PDCL3: variants seen among roughly 807,000 people sequenced by gnomAD.
PDCL3 encodes phosducin like 3.
In PDCL3, 22 loss-of-function variants were observed where a neutral mutation model predicts 26.5. That is an observed-to-expected ratio of 0.83 (90% CI 0.59 to 1.19). The LOEUF is 1.19. PDCL3 is among the 50% of genes most tolerant of loss of function. The pLI is 0.00. For synonymous variants in PDCL3, 81 were observed against 104.9 expected, an observed-to-expected ratio of 0.77 and a Z score of 1.39; for missense variants, 246 against 294.1, an observed-to-expected ratio of 0.84 and a Z score of 1.20.
chr2:100,564,485 A>G (rs1675020670), intron 1 of PDCL3, among the ~76,000 whole-genome samples: 1 of 151,946 alleles, frequency 6.6e-6, no homozygotes, highest in Non-Finnish European at 1.5e-5. Flanking sequence ...TTTAGTAGAG[A>G]CAAGGTTTCA....
At chr2:100,575,036 C>T (rs1259598366) in intron 5 of PDCL3, among the ~76,000 whole-genome samples, 4 of 152,170 alleles carry the variant, frequency 2.6e-5, no homozygotes, top group African/African-American at 9.7e-5. Context: ...TTCAAGGTTA[C>T]AGTGAGCTAT....
chr2:100,572,629 T>G lies in PDCL3; in HGVS notation c.577+831T>G, dbSNP rs1451883479. 3.9e-5 allele frequency among the ~76,000 whole-genome samples: 6 copies of G among 152,120 alleles called. No homozygotes were observed. In the South Asian group the frequency reaches 1.0e-3, roughly 26 times the overall value. ...GCCCCCCAGGTTCAAGTGATTCTCC[T>G]GCCTCAGCCTCCCTAGTAGCTGGGA... is the stretch of plus-strand genomic sequence containing the variant. On this transcript the variant is annotated intron_variant, in intron 5 of 5. Transcript: ENST00000264254.
intron 3 of PDCL3, 44 bp downstream of exon 3, chr2:100,569,065 T>G (rs1213657327): frequency 1.9e-6 from 3 of 1,559,312 alleles, no homozygotes; most frequent in Non-Finnish European, 2.6e-6. Flanking sequence ...TGTTGTTGTT[T>G]GTTTTGTTTT....
rs765647589 is a variant in PDCL3 at position 100,568,949 on chromosome 2, T to A, written c.152T>A (p.Met51Lys). The change falls in exon 3 of 6, where the codon ATG becomes AAG. Residue 51 changes from methionine to lysine, a missense_variant. Met to Lys is a moderately conservative substitution (Grantham distance 95). Coordinates refer to ENST00000264254, the MANE Select transcript of PDCL3 (RefSeq NM_024065.5). ...AATTCAGTGAAAACATATGAAGATA[T>A]GACTTTGGAAGAGCTGGAGGATCAT... The part of the protein sequence containing the change: ...QQSVVKTYED[M>K]TLEELEDHED... 2 of 1,605,822 alleles carry A rather than the reference T, an allele frequency of 1.2e-6. No individual in the cohort carries two copies. Among genetic ancestry groups the A allele is most frequent in the African/African-American group, 1.3e-5 (1 of 74,890 alleles).
intron 2 of PDCL3, 120 bp from the exon 3 acceptor site, chr2:100,568,811 G>T: frequency 1.3e-6 from 1 of 755,062 alleles, no homozygotes; most frequent in Non-Finnish European, 2.2e-6. Flanking sequence ...TTTTGTTTAG[G>T]TAGGCTAAGG....
chr2:100,569,840 C>G, intron 4 of PDCL3, 119 bp downstream of exon 4: 1 of 1,119,248 alleles, frequency 8.9e-7, no homozygotes, highest in South Asian at 1.7e-5. Context: ...GGCGCAGTAG[C>G]TCACACCTGT....
intron 1 of PDCL3, among the ~76,000 whole-genome samples, chr2:100,564,274 G>T (rs965090511): frequency 6.7e-6 from 1 of 148,436 alleles, no homozygotes; most frequent in Non-Finnish European, 1.5e-5. Flanking sequence ...CTGTAGAAAG[G>T]ATTCTGCTCT....
At chr2:100,570,610 TG>T (rs1675149288) in intron 4 of PDCL3, among the ~76,000 whole-genome samples, 1 of 151,834 alleles carries the variant, frequency 6.6e-6, no homozygotes, top group Non-Finnish European at 1.5e-5. Context: ...CCTGAGTAGC[TG>T]GGATTACAGG....
At chr2:100,576,277 C>T in intron 5 of PDCL3, 77 bp from the exon 6 acceptor site, 1 of 1,495,652 alleles carries the variant, frequency 6.7e-7, no homozygotes, top group Non-Finnish European at 9.0e-7. Context: ...TTAGAAAAAA[C>T]TAGGTTGATG....
rs2104391623 is a variant in PDCL3, at chr2:100,566,558, C to A, written c.62C>A (p.Pro21His). Residue 21 changes from proline (P) to histidine (H), a missense_variant, in exon 2 of 6, where the codon CCC becomes CAC. Transcript: ENST00000264254. ...ATCTTACGCAAAAAGGGTATCTTAC[C>A]CCCCAAGGAAAGTCTGAAAGAATTG... is the stretch of plus-strand genomic sequence containing the variant. Reference protein sequence around the residue: ...NDILRKKGILPPKESLKELEE... With the variant: ...NDILRKKGILHPKESLKELEE... 1.2e-6 allele frequency: 2 copies of A among 1,613,810 alleles called. No homozygotes were observed. Among genetic ancestry groups the A allele is most frequent in the African/African-American group, 1.3e-5 (1 of 75,026 alleles).
intron 2 of PDCL3, 69 bp downstream of exon 2, chr2:100,566,698 T>C: frequency 6.3e-7 from 1 of 1,587,474 alleles, no homozygotes; most frequent in Non-Finnish European, 8.6e-7. Flanking sequence ...CTGACTGCCC[T>C]GCCAGGAGAC....
intron 1 of PDCL3, among the ~76,000 whole-genome samples, chr2:100,563,896 C>T (rs1255947537): frequency 6.8e-6 from 1 of 148,072 alleles, no homozygotes; most frequent in Non-Finnish European, 1.5e-5. Context: ...GAGGGCGTGT[C>T]TGCCAGGAGC....
chr2:100,570,278 G>C (rs548213893), intron 4 of PDCL3, among the ~76,000 whole-genome samples: 7 of 152,000 alleles, frequency 4.6e-5, no homozygotes, highest in African/African-American at 1.7e-4. Context: ...TTTTTGAAAA[G>C]GAATTCCTAA....
chr2:100,566,075 T>C (rs1248930415), intron 1 of PDCL3, among the ~76,000 whole-genome samples: 1 of 152,100 alleles, frequency 6.6e-6, no homozygotes, highest in Non-Finnish European at 1.5e-5. Flanking sequence ...GGCTAATTTT[T>C]TGTATTTTCA....
At chr2:100,568,406 A>G (rs1573279854) in intron 2 of PDCL3, among the ~76,000 whole-genome samples, 2 of 152,196 alleles carry the variant, frequency 1.3e-5, no homozygotes, top group Admixed American at 1.3e-4. Context: ...TGAGATGGGC[A>G]GATCACTTGA....
chr2:100,574,407 C>T (rs201382897), intron 5 of PDCL3, among the ~76,000 whole-genome samples: 10 of 151,624 alleles, frequency 6.6e-5, no homozygotes, highest in East Asian at 5.8e-4. Context: ...TACCTAGAGC[C>T]GAAAATACTG....
At chr2:100,573,857 G>A (rs1428627773) in intron 5 of PDCL3, among the ~76,000 whole-genome samples, 4 of 152,032 alleles carry the variant, frequency 2.6e-5, no homozygotes, top group Non-Finnish European at 5.9e-5. Context: ...GGAGAGAGAA[G>A]TGTGCAATTG....
rs908264743 is a variant in PDCL3 at position 100,569,720 on chromosome 2, G to T, written c.367G>T (p.Gly123Ter). 6.2e-6 allele frequency: 10 copies of T among 1,607,764 alleles called. No homozygotes were observed. The highest frequency in any genetic ancestry group is 7.6e-6 in the Non-Finnish European group (9 of 1,177,256). Residue 123 changes from glycine (G) to a stop codon, truncating the protein, a stop_gained and splice_region_variant, in exon 4 of 6, where the codon GGA becomes TGA. Transcript: ENST00000264254. LOFTEE classifies it high-confidence loss of function. ...GGTCATCTTGCACCTTTACAAACAA[G>T]GGTGAGCTGATCTTCCACTCCATCT... ...LWVILHLYKQ[G>*]IPLCALINQH... is the part of the protein sequence containing the mutation.
At chr2:100,572,390 T>C (rs1675195046) in intron 5 of PDCL3, among the ~76,000 whole-genome samples, 2 of 152,016 alleles carry the variant, frequency 1.3e-5, no homozygotes, top group Non-Finnish European at 1.5e-5. Context: ...TTTTGTATTT[T>C]TAGTGGAGAC....
Sources: allele counts gnomAD v4.1 joint callset (sites outside exome capture counted in the v4.1 genomes callset), GRCh38; gene constraint gnomAD v4.1.1; transcripts MANE v1.5; gene names NCBI Gene and HGNC (gene_info 2026-07-23, HGNC 2026-07-21).